EVC2: variants seen among roughly 807,000 people sequenced by gnomAD.
EVC2 encodes the protein limbin.
Under a neutral mutation model 149.3 loss-of-function variants are expected in EVC2, and 148 were observed. The observed-to-expected ratio is 0.99, with a 90% confidence interval of 0.87 to 1.14. The LOEUF (loss-of-function observed/expected upper bound fraction) is 1.14. EVC2 is among the 50% of genes most tolerant of loss of function. EVC2 has a pLI of 0.00. For missense variants in EVC2, 1,854 were observed against 1,627.3 expected (o/e 1.14, Z -2.40); for synonymous variants, 776 against 649.9 (o/e 1.19, Z -2.95).
In EVC2 at chr4:5,673,622, T is replaced by G. The variant is rs536254206; in HGVS notation, c.870+7638A>C. Reference sequence around the variant, plus strand: ...TCTCTGGAAAAGAATCATCCACGATTACCACCCTTTAATCACATATTAGCA... The same window carrying G: ...TCTCTGGAAAAGAATCATCCACGATGACCACCCTTTAATCACATATTAGCA... On this transcript the variant is annotated intron_variant, in intron 7 of 21. Coordinates refer to ENST00000344408, the MANE Select transcript of EVC2 (RefSeq NM_147127.5). Among the ~76,000 whole-genome samples, 10 of 152,298 alleles carry G rather than the reference T, an allele frequency of 6.6e-5. 2 individuals carry two copies. The highest frequency in any genetic ancestry group is 2.4e-4 in the African/African-American group (10 of 41,572).
chr4:5,698,848 G>A (rs960529355), intron 1 of EVC2, among the ~76,000 whole-genome samples: 55 of 152,256 alleles, frequency 3.6e-4, no homozygotes, highest in African/African-American at 1.3e-3. Flanking sequence ...GTGTATGTGA[G>A]TTGAGCGGGA....
Position 5,625,065 on chromosome 4 carries a change from C to A in EVC2, c.2046+684G>T, listed in dbSNP as rs556940096. 6.6e-6 allele frequency among the ~76,000 whole-genome samples: 1 copy of A among 152,192 alleles called. No individual in the cohort carries two copies. Among genetic ancestry groups the A allele is most frequent in the Admixed American group, 6.5e-5 (1 of 15,282 alleles). On this transcript the variant is annotated intron_variant, in intron 13 of 21. Coordinates refer to ENST00000344408, the MANE Select transcript of EVC2 (RefSeq NM_147127.5). This position sits in a 1 kb window ranked among gnomAD's most constrained non-coding sequence, Gnocchi z 4.0. The stretch of plus-strand genomic sequence containing the variant: ...TCAACTCCATCTGACATGGTGCTCA[C>A]CTCAGCTTCCTAAATCACAGATCTG...
chr4:5,621,484 C>T (rs77864859), intron 14 of EVC2, among the ~76,000 whole-genome samples: 7,135 of 152,264 alleles, frequency 0.047, 534 homozygotes, highest in African/African-American at 0.16. Context: ...TTTTGGTCTA[C>T]ATTGCCCATG....
chr4:5,603,781 A>G (rs960383576), intron 16 of EVC2, among the ~76,000 whole-genome samples: 1 of 152,256 alleles, frequency 6.6e-6, no homozygotes, highest in East Asian at 1.9e-4. Context: ...TCATTATAAT[A>G]AGACCAGAAA....
rs576846120 is a variant in EVC2, at chr4:5,602,822, A to G, written c.2829+12600T>C. On this transcript the variant is annotated intron_variant, in intron 16 of 21. Coordinates refer to ENST00000344408, the MANE Select transcript of EVC2 (RefSeq NM_147127.5). ...CTTTTATAAAGGAAATAGATAGGAA[A>G]AGGAAATAGATAATCCCAAATTACA... 2.3e-3 allele frequency among the ~76,000 whole-genome samples: 352 copies of G among 152,306 alleles called. 1 individual carries two copies. The highest frequency in any genetic ancestry group is 8.0e-3 in the African/African-American group (333 of 41,582).
chr4:5,648,039 A>G (rs1717853042), intron 9 of EVC2, among the ~76,000 whole-genome samples: 1 of 152,182 alleles, frequency 6.6e-6, no homozygotes, highest in South Asian at 2.1e-4. Context: ...TTAATTGACA[A>G]GTAACAGATG....
chr4:5,644,863 ATCT>A (rs1337724373), intron 9 of EVC2, among the ~76,000 whole-genome samples: 1 of 152,118 alleles, frequency 6.6e-6, no homozygotes, highest in Non-Finnish European at 1.5e-5. Context: ...TAGGAATTTG[ATCT>A]TTTTTATGGT....
At chr4:5,630,039 T>C (rs7689480) in intron 11 of EVC2, among the ~76,000 whole-genome samples, 58,496 of 152,090 alleles carry the variant, frequency 0.38, 12,500 homozygotes, top group East Asian at 0.62. Context: ...AGTAAAATGA[T>C]AACGAATCTG....
At chr4:5,707,741 G>A (rs1439022816) in intron 1 of EVC2, among the ~76,000 whole-genome samples, 4 of 152,082 alleles carry the variant, frequency 2.6e-5, no homozygotes, top group African/African-American at 9.7e-5. Context: ...GCTACAGCCA[G>A]GGATCCATGC....
chr4:5,614,718 C>T lies in EVC2; in HGVS notation c.2829+704G>A, dbSNP rs1298001377. Among the ~76,000 whole-genome samples the T allele has an allele frequency of 1.3e-5, 2 of 152,164 alleles. No homozygotes were observed. Among genetic ancestry groups the T allele is most frequent in the Admixed American group, 1.3e-4 (2 of 15,280 alleles). On this transcript the variant is annotated intron_variant, in intron 16 of 21. Transcript: ENST00000344408. The surrounding 1 kb of genome is among the most constrained non-coding windows in gnomAD (Gnocchi z 4.7). Reference sequence around the variant, plus strand: ...CTGGGCCAGGCACAGTGCCTCACGCCTGTAATCCCAGCACTTTGGGAAGCT... The same window carrying T: ...CTGGGCCAGGCACAGTGCCTCACGCTTGTAATCCCAGCACTTTGGGAAGCT...
At chr4:5,634,933 T>A (rs2108855408) in intron 10 of EVC2, among the ~76,000 whole-genome samples, 1 of 151,590 alleles carries the variant, frequency 6.6e-6, no homozygotes, top group Admixed American at 6.6e-5. Flanking sequence ...TCTGCAGGAA[T>A]ACGGACTCAA....
chr4:5,677,318 T>A lies in EVC2; in HGVS notation c.870+3942A>T, dbSNP rs1251956705. On this transcript the variant is annotated intron_variant, in intron 7 of 21. Coordinates refer to ENST00000344408, the MANE Select transcript of EVC2 (RefSeq NM_147127.5). This position sits in a 1 kb window ranked among gnomAD's most constrained non-coding sequence, Gnocchi z 4.3. ...GACAGGGATTCAAAGCCAGGCCTTA[T>A]GGTCCAAGAGTCAGCTGGGCCCACA... Among the ~76,000 whole-genome samples, 2 of 152,166 alleles carry A rather than the reference T, an allele frequency of 1.3e-5. No homozygotes were observed. The highest frequency in any genetic ancestry group is 2.4e-5 in the African/African-American group (1 of 41,434).
At chr4:5,687,167 G>C (rs1372361645) in intron 5 of EVC2, among the ~76,000 whole-genome samples, 1 of 152,090 alleles carries the variant, frequency 6.6e-6, no homozygotes, top group Non-Finnish European at 1.5e-5. Flanking sequence ...TGAGGCAGGA[G>C]AATCACTTAA....
At chr4:5,663,900 G>A (rs79588816) in intron 8 of EVC2, among the ~76,000 whole-genome samples, 1 of 152,088 alleles carries the variant, frequency 6.6e-6, no homozygotes, top group Non-Finnish European at 1.5e-5. Context: ...CATCCTGGGA[G>A]ACAGAGTGAG....
intron 16 of EVC2, among the ~76,000 whole-genome samples, chr4:5,601,303 A>G (rs1248605516): frequency 6.6e-6 from 1 of 152,186 alleles, no homozygotes; most frequent in Admixed American, 6.5e-5. Flanking sequence ...AAAAATCTTT[A>G]ATATTCTTAG....
rs893763472 is a variant in EVC2 at position 5,679,584 on chromosome 4, T to A, written c.870+1676A>T. On this transcript the variant is annotated intron_variant, in intron 7 of 21. Transcript: ENST00000344408. The surrounding 1 kb of genome is among the most constrained non-coding windows in gnomAD (Gnocchi z 5.1). ...TATGCTGTGCAGGTTTCTTCAGTAA[T>A]AAGTTAATCTTGGCTTACTGTAATT... Among the ~76,000 whole-genome samples, 10 of 152,208 alleles carry A rather than the reference T, an allele frequency of 6.6e-5. No individual in the cohort carries two copies. Among genetic ancestry groups the A allele is most frequent in the African/African-American group, 1.9e-4 (8 of 41,462 alleles).
intron 21 of EVC2, among the ~76,000 whole-genome samples, chr4:5,544,662 C>T (rs16837418): frequency 0.06 from 9,190 of 152,270 alleles, 623 homozygotes; most frequent in African/African-American, 0.16. Flanking sequence ...GCATATCACA[C>T]TGGATGTTCA....
chr4:5,689,542 G>C (rs762727099), intron 4 of EVC2, among the ~76,000 whole-genome samples, 199 bp from the exon 5 acceptor site: 4 of 152,106 alleles, frequency 2.6e-5, no homozygotes, highest in Admixed American at 6.5e-5. Context: ...TTCCCAAGCT[G>C]TTGCTTGGAG....
intron 8 of EVC2, 23 bp from the exon 9 acceptor site, chr4:5,663,269 ATAATTGATT>A: frequency 6.2e-7 from 1 of 1,613,698 alleles, no homozygotes; most frequent in Non-Finnish European, 8.5e-7. Flanking sequence ...TGCGGAAATA[ATAATTGATT>A]GGGCCTTCTT....
Sources: allele counts gnomAD v4.1 joint callset (sites outside exome capture counted in the v4.1 genomes callset), GRCh38; gene constraint gnomAD v4.1.1; non-coding constraint Gnocchi (gnomAD v3.1); transcripts MANE v1.5; gene names NCBI Gene and HGNC (gene_info 2026-07-23, HGNC 2026-07-21).